The following CLMN variants were observed in gnomAD, a reference collection of about 807,000 sequenced individuals.
CLMN encodes the protein calmin (calponin-like, transmembrane).
A neutral mutation model predicts 92.7 loss-of-function variants in CLMN; 57 were observed. The ratio of observed to expected loss-of-function variants is 0.61; its 90% CI spans 0.50 to 0.77. CLMN has a LOEUF of 0.77. Ranked by LOEUF, CLMN falls within the 30% of genes least tolerant of loss-of-function variation. The pLI is 0.00. For missense variants in CLMN, 1,158 were observed against 1,237.5 expected (o/e 0.94, Z 0.96); for synonymous variants, 466 against 470.6 (o/e 0.99, Z 0.13).
chr14:95,259,526 G>A lies in CLMN; in HGVS notation c.83-29393C>T, dbSNP rs1017820970. On this transcript the variant is annotated intron_variant, in intron 1 of 12. Transcript: ENST00000298912. This position sits in a 1 kb window ranked among gnomAD's most constrained non-coding sequence, Gnocchi z 4.3. ...AAACATCTGGGAGGAAACGAGACAGGCTGTAGTTCCCACAGAGCTGCTGGG... is the reference window on the plus strand; with the variant it reads ...AAACATCTGGGAGGAAACGAGACAGACTGTAGTTCCCACAGAGCTGCTGGG... Among the ~76,000 whole-genome samples the A allele has an allele frequency of 1.4e-4, 21 of 152,288 alleles. No individual in the cohort carries two copies. Among genetic ancestry groups the A allele is most frequent in the Admixed American group, 5.2e-4 (8 of 15,306 alleles).
In CLMN at chr14:95,319,906, C is replaced by A. The variant is rs1901977132; in HGVS notation, c.-114G>T. 5.6e-6 allele frequency: 1 copy of A among 178,818 alleles called. No individual in the cohort carries two copies. Among genetic ancestry groups the A allele is most frequent in the South Asian group, 2.2e-4 (1 of 4,458 alleles). 11.1% of individuals were successfully genotyped at this position (178,818 alleles called of 1,614,324 possible). On this transcript the variant is annotated 5_prime_UTR_variant, in exon 1 of 13. Coordinates refer to ENST00000298912, the MANE Select transcript of CLMN (RefSeq NM_024734.4). Reference sequence around the variant, plus strand: ...GGCGAGGGCGCCGCGGAGCTGGAGTCGCGGCGGGCGCGGGCGGGGCGCGGG... The same window carrying A: ...GGCGAGGGCGCCGCGGAGCTGGAGTAGCGGCGGGCGCGGGCGGGGCGCGGG...
At chr14:95,216,027 T>C (rs140575933) in intron 4 of CLMN, among the ~76,000 whole-genome samples, 40 of 152,246 alleles carry the variant, frequency 2.6e-4, no homozygotes, top group African/African-American at 8.9e-4. Context: ...ATGATGTAGG[T>C]GTATTAGTCC....
intron 2 of CLMN, 82 bp from the exon 3 acceptor site, chr14:95,223,937 C>G: frequency 1.0e-6 from 1 of 982,736 alleles, no homozygotes; most frequent in Non-Finnish European, 1.6e-6. Flanking sequence ...GCTTTCTGCT[C>G]AAGAGAAAAC....
chr14:95,236,305 G>A (rs961233999), intron 1 of CLMN, among the ~76,000 whole-genome samples: 6 of 152,256 alleles, frequency 3.9e-5, no homozygotes, highest in East Asian at 3.9e-4. Flanking sequence ...CCAGGCGGGG[G>A]GTCTCAATGC....
At chr14:95,214,930 G>C (rs542382488) in intron 5 of CLMN, among the ~76,000 whole-genome samples, 12 of 152,144 alleles carry the variant, frequency 7.9e-5, no homozygotes, top group African/African-American at 2.7e-4. Context: ...AAAGCGGGTG[G>C]GCTCTAGAAA....
At chr14:95,217,183 A>T (rs141754597) in intron 4 of CLMN, among the ~76,000 whole-genome samples, 30 of 152,336 alleles carry the variant, frequency 2.0e-4, no homozygotes, top group African/African-American at 7.0e-4. Context: ...AAGATACACT[A>T]TCAGGTCCAC....
chr14:95,312,857 CTT>C (rs1005167605), intron 1 of CLMN, among the ~76,000 whole-genome samples: 2 of 152,158 alleles, frequency 1.3e-5, no homozygotes, highest in Non-Finnish European at 2.9e-5. Flanking sequence ...GAGCAGCTGA[CTT>C]TAGCAAAAAC....
intron 4 of CLMN, among the ~76,000 whole-genome samples, chr14:95,220,787 G>A (rs1343493102): frequency 6.6e-6 from 1 of 152,220 alleles, no homozygotes; most frequent in Non-Finnish European, 1.5e-5. Flanking sequence ...CTGTGATGCT[G>A]AGACGACCAC....
chr14:95,257,016 G>C (rs184256272), intron 1 of CLMN, among the ~76,000 whole-genome samples: 1 of 152,344 alleles, frequency 6.6e-6, no homozygotes, highest in East Asian at 1.9e-4. Context: ...AGACAGGAGG[G>C]GGACACAGAG....
chr14:95,239,312 A>C (rs1898166143), intron 1 of CLMN, among the ~76,000 whole-genome samples: 1 of 152,184 alleles, frequency 6.6e-6, no homozygotes, highest in African/African-American at 2.4e-5. Context: ...GTTTGAGAAG[A>C]AGGAATGAAC....
At chr14:95,289,325 T>C (rs1015799472) in intron 1 of CLMN, among the ~76,000 whole-genome samples, 3 of 152,054 alleles carry the variant, frequency 2.0e-5, no homozygotes, top group Admixed American at 2.0e-4. Context: ...ACTCCATCTC[T>C]GCTAAAAAAT....
rs1241028193 is a variant in CLMN at position 95,256,505 on chromosome 14, TCCTGGAGTACCTCCCA to T, written c.83-26388_83-26373del. Among the ~76,000 whole-genome samples the T allele has an allele frequency of 6.6e-6, 1 of 152,186 alleles. No homozygotes were observed. The highest frequency in any genetic ancestry group is 2.4e-5 in the African/African-American group (1 of 41,448). On this transcript the variant is annotated intron_variant, in intron 1 of 12. Coordinates refer to ENST00000298912, the MANE Select transcript of CLMN (RefSeq NM_024734.4). This position sits in a 1 kb window ranked among gnomAD's most constrained non-coding sequence, Gnocchi z 4.9. ...TTTGCTCCCTGTGAAGGAGCTGGCC[TCCTGGAGTACCTCCCA>T]CCTGCTGCTGGGCCCACGGCAGGGT...
At chr14:95,205,615 AT>A (rs1897026259) in intron 8 of CLMN, among the ~76,000 whole-genome samples, 1 of 152,236 alleles carries the variant, frequency 6.6e-6, no homozygotes. Context: ...ATTAAAACAT[AT>A]GCAGAAGTAA....
chr14:95,292,390 A>C (rs1032272932), intron 1 of CLMN, among the ~76,000 whole-genome samples: 9 of 151,624 alleles, frequency 5.9e-5, no homozygotes, highest in Non-Finnish European at 4.4e-5. Context: ...AAATAACAAC[A>C]CAAACAAACA....
intron 1 of CLMN, among the ~76,000 whole-genome samples, chr14:95,264,494 C>A (rs1428955813): frequency 6.6e-6 from 1 of 152,094 alleles, no homozygotes; most frequent in African/African-American, 2.4e-5. Flanking sequence ...ATGCTCAGTA[C>A]AGAGGGCTCA....
intron 1 of CLMN, among the ~76,000 whole-genome samples, chr14:95,251,947 C>T (rs1463657664): frequency 6.6e-6 from 1 of 152,182 alleles, no homozygotes; most frequent in Admixed American, 6.5e-5. Flanking sequence ...GTTTTCTGCA[C>T]TCAGCCCCCA....
At chr14:95,292,948 A>G (rs1025433665) in intron 1 of CLMN, among the ~76,000 whole-genome samples, 2 of 152,206 alleles carry the variant, frequency 1.3e-5, no homozygotes, top group African/African-American at 4.8e-5. Flanking sequence ...ACGGAGCAGG[A>G]GAAAGAAGTG....
chr14:95,297,687 A>G (rs1386902546), intron 1 of CLMN, among the ~76,000 whole-genome samples: 1 of 152,282 alleles, frequency 6.6e-6, no homozygotes, highest in East Asian at 1.9e-4. Flanking sequence ...GTGCATTAGC[A>G]GTTCTTCCCT....
intron 1 of CLMN, among the ~76,000 whole-genome samples, chr14:95,260,278 A>G (rs1899197384): frequency 6.6e-6 from 1 of 152,062 alleles, no homozygotes. Flanking sequence ...CATCTCTACT[A>G]AAAATACAAA....
Sources: gnomAD v4.1 joint callset for allele counts (sites outside exome capture counted in the v4.1 genomes callset) on GRCh38, gnomAD v4.1.1 for gene constraint, Gnocchi (gnomAD v3.1) non-coding constraint, MANE v1.5 for transcripts, NCBI Gene and HGNC (gene_info 2026-07-23, HGNC 2026-07-21) for gene names.